The following CDK14 variants were observed in gnomAD, a reference collection of about 807,000 sequenced individuals.
CDK14 encodes the protein cyclin dependent kinase 14.
CDK14 carries 34 observed loss-of-function variants against 60.7 expected under a neutral mutation model. The ratio of observed to expected loss-of-function variants is 0.56; its 90% CI spans 0.43 to 0.75. CDK14 has a LOEUF of 0.75. CDK14 is among the 30% of genes least tolerant of loss of function. The pLI, the probability that CDK14 is intolerant of heterozygous loss-of-function variation, is 0.00. For synonymous variants in CDK14, 197 were observed against 203.7 expected, an observed-to-expected ratio of 0.97 and a Z score of 0.28; for missense variants, 482 against 564.1, an observed-to-expected ratio of 0.85 and a Z score of 1.47.
intron 11 of CDK14, among the ~76,000 whole-genome samples, chr7:91,047,344 A>T (rs946014323): frequency 1.3e-5 from 2 of 152,250 alleles, no homozygotes; most frequent in African/African-American, 4.8e-5. Flanking sequence ...ATTAGAAAAC[A>T]TGGAGTAATT....
chr7:91,204,659 C>G (rs1320264533), intron 14 of CDK14, among the ~76,000 whole-genome samples: 1 of 152,152 alleles, frequency 6.6e-6, no homozygotes, highest in South Asian at 2.1e-4. Context: ...ATGAAAGAGT[C>G]CCCAACAGCT....
At chr7:90,910,600 T>G (rs952346065) in intron 7 of CDK14, among the ~76,000 whole-genome samples, 7 of 152,210 alleles carry the variant, frequency 4.6e-5, no homozygotes, top group Non-Finnish European at 7.3e-5. Context: ...TGTCATATTT[T>G]GTAGCTTTAG....
At chr7:90,820,660 G>A (rs3779562) in intron 5 of CDK14, among the ~76,000 whole-genome samples, 30,879 of 152,054 alleles carry the variant, frequency 0.2, 3,273 homozygotes, top group South Asian at 0.24. Flanking sequence ...CTTTATAGCA[G>A]TGTGAAAACA....
chr7:90,672,712 T>TG (rs541396189), intron 2 of CDK14, among the ~76,000 whole-genome samples: 160 of 151,912 alleles, frequency 1.1e-3, no homozygotes, highest in Middle Eastern at 3.4e-3. Flanking sequence ...TTTGTAGAGA[T>TG]GGGGTCTCAC....
At position 91,058,699 on chromosome 7, in the gene CDK14, A is replaced by C. The variant is rs555916211; in HGVS notation, c.1105+12739A>C. 1.6e-4 allele frequency among the ~76,000 whole-genome samples: 24 copies of C among 152,274 alleles called. 1 individual carries two copies. In the South Asian group the frequency reaches 5.0e-3, roughly 32 times the overall value. On this transcript the variant is annotated intron_variant, in intron 11 of 14. Coordinates refer to ENST00000380050, the MANE Select transcript of CDK14 (RefSeq NM_001287135.2). ...GTCATTGGTTCTGTTTATATGCTGG[A>C]TTACATTTATTGATTTGCATATGTT...
chr7:90,784,297 GTTGA>G (rs1805474572), intron 4 of CDK14, among the ~76,000 whole-genome samples: 1 of 152,114 alleles, frequency 6.6e-6, no homozygotes, highest in Non-Finnish European at 1.5e-5. Flanking sequence ...ATAAAGAGGG[GTTGA>G]TTAATAGGCA....
At position 90,840,950 on chromosome 7, in the gene CDK14, A is replaced by G. The variant is rs576939405; in HGVS notation, c.545-22225A>G. Among the ~76,000 whole-genome samples, 13 of 152,328 alleles carry G rather than the reference A, an allele frequency of 8.5e-5. No individual in the cohort carries two copies. The South Asian group carries it at 2.5e-3, about 29-fold the overall frequency. ...AAGTGCAAGTGAATGAAGGAAAAAT[A>G]CAAGAGAGTACACACTCATATGCAC... On this transcript the variant is annotated intron_variant, in intron 5 of 14. Transcript: ENST00000380050.
chr7:90,990,909 A>G (rs1275468466), intron 10 of CDK14, among the ~76,000 whole-genome samples: 2 of 152,206 alleles, frequency 1.3e-5, no homozygotes, highest in Non-Finnish European at 2.9e-5. Context: ...TAGGCACTTT[A>G]TGTGACAGTC....
intron 5 of CDK14, among the ~76,000 whole-genome samples, chr7:90,792,844 ATTTTCTT>A (rs386715709): frequency 0.43 from 65,969 of 151,826 alleles, 15,093 homozygotes; most frequent in East Asian, 0.82. Flanking sequence ...TATATGACTG[ATTTTCTT>A]CAAACATGCT....
intron 10 of CDK14, among the ~76,000 whole-genome samples, chr7:91,007,416 C>T: frequency 6.6e-6 from 1 of 152,166 alleles, no homozygotes; most frequent in Non-Finnish European, 1.5e-5. Context: ...CAGGTGTGGG[C>T]CACACCACTA....
At chr7:90,614,133 A>C (rs1487113115) in intron 2 of CDK14, among the ~76,000 whole-genome samples, 1 of 151,410 alleles carries the variant, frequency 6.6e-6, no homozygotes, top group African/African-American at 2.4e-5. Context: ...CAGCCTCCCA[A>C]GTAGGTGGGA....
At chr7:91,067,549 AT>A (rs1798015539) in intron 11 of CDK14, among the ~76,000 whole-genome samples, 1 of 152,312 alleles carries the variant, frequency 6.6e-6, no homozygotes, top group Non-Finnish European at 1.5e-5. Flanking sequence ...GTAATTCTAT[AT>A]TTAGTTTTCA....
intron 4 of CDK14, among the ~76,000 whole-genome samples, chr7:90,756,103 T>C (rs746292729): frequency 6.6e-6 from 1 of 152,236 alleles, no homozygotes; most frequent in Non-Finnish European, 1.5e-5. Flanking sequence ...GCTATCATTT[T>C]CCTAATCAGT....
chr7:90,829,177 A>T (rs1232073262), intron 5 of CDK14, among the ~76,000 whole-genome samples: 1 of 152,142 alleles, frequency 6.6e-6, no homozygotes, highest in Admixed American at 6.5e-5. Flanking sequence ...CAATGTAGGT[A>T]TTACAATTTG....
chr7:90,864,974 C>T (rs1033537916), intron 6 of CDK14, among the ~76,000 whole-genome samples: 1 of 152,080 alleles, frequency 6.6e-6, no homozygotes, highest in East Asian at 1.9e-4. Flanking sequence ...TTACTCTTGT[C>T]TCTTTTAGAG....
At chr7:90,992,254 G>A (rs1795561444) in intron 10 of CDK14, among the ~76,000 whole-genome samples, 1 of 152,168 alleles carries the variant, frequency 6.6e-6, no homozygotes, top group Admixed American at 6.6e-5. Flanking sequence ...ACCTGTTTGT[G>A]ACCCAGAGAT....
chr7:90,836,263 A>G (rs965148080), intron 5 of CDK14, among the ~76,000 whole-genome samples: 6 of 152,190 alleles, frequency 3.9e-5, no homozygotes, highest in Non-Finnish European at 8.8e-5. Flanking sequence ...AATAACCCTG[A>G]AGTTAAGATG....
chr7:90,733,737 ACT>A (rs1802969714), intron 3 of CDK14, among the ~76,000 whole-genome samples: 1 of 152,188 alleles, frequency 6.6e-6, no homozygotes, highest in Non-Finnish European at 1.5e-5. Context: ...AATACAGCAC[ACT>A]GATGGGTCTT....
intron 9 of CDK14, among the ~76,000 whole-genome samples, chr7:90,983,223 C>T (rs370835688): frequency 6.6e-6 from 1 of 152,024 alleles, no homozygotes; most frequent in East Asian, 1.9e-4. Context: ...TGAAAGAAAA[C>T]AAATCATTCT....
Sources: gnomAD v4.1 joint callset for allele counts (sites outside exome capture counted in the v4.1 genomes callset) on GRCh38, gnomAD v4.1.1 for gene constraint, MANE v1.5 for transcripts, NCBI Gene and HGNC (gene_info 2026-07-23, HGNC 2026-07-21) for gene names.